The following PARP9 variants were observed in gnomAD, a reference collection of about 807,000 sequenced individuals.
PARP9 encodes the protein protein mono-ADP-ribosyltransferase PARP9.
Under a neutral mutation model 68.8 loss-of-function variants are expected in PARP9, and 48 were observed. The ratio of observed to expected loss-of-function variants is 0.70; its 90% CI spans 0.55 to 0.89. The LOEUF (loss-of-function observed/expected upper bound fraction) is 0.89. Among genes scored for constraint, PARP9 ranks in the 40% least tolerant of loss-of-function variants. The pLI, the probability that PARP9 is intolerant of heterozygous loss-of-function variation, is 0.00. For synonymous variants in PARP9, 309 were observed against 333.8 expected, an observed-to-expected ratio of 0.93 and a Z score of 0.81; for missense variants, 806 against 969.3, an observed-to-expected ratio of 0.83 and a Z score of 2.24.
chr3:122,528,623 C>T lies in PARP9; in HGVS notation c.2201G>A (p.Gly734Asp). The change falls in exon 11 of 11, where the codon GGC becomes GAC. Residue 734 changes from glycine to aspartate, a missense_variant. By Grantham distance (94) the Gly-to-Asp change is moderately conservative (BLOSUM62 -1). Transcript: ENST00000682323. ...TAACGGATGTCCCTGGCAGAAGAAGCCTGTGAGTACTTCAGCCTCAAACAC... is the reference window on the plus strand; with the variant it reads ...TAACGGATGTCCCTGGCAGAAGAAGTCTGTGAGTACTTCAGCCTCAAACAC... The part of the protein sequence containing the change: ...IYVFEAEVLT[G>D]FFCQGHPLNI... 1 of 1,614,138 alleles carries T rather than the reference C, an allele frequency of 6.2e-7. No individual in the cohort carries two copies. Among genetic ancestry groups the T allele is most frequent in the South Asian group, 1.1e-5 (1 of 91,066 alleles).
chr3:122,546,634 G>C (rs1362953414), intron 6 of PARP9, among the ~76,000 whole-genome samples: 2 of 152,136 alleles, frequency 1.3e-5, no homozygotes, highest in Non-Finnish European at 2.9e-5. Context: ...ATATAATGTA[G>C]TGTTAATGCT....
intron 5 of PARP9, among the ~76,000 whole-genome samples, chr3:122,551,508 T>G (rs2079198710): frequency 6.6e-6 from 1 of 152,212 alleles, no homozygotes; most frequent in Non-Finnish European, 1.5e-5. Flanking sequence ...TATTTTATAT[T>G]TTATTTTTTG....
intron 10 of PARP9, chr3:122,532,108 CCTGAGTG>C: frequency 1.0e-6 from 1 of 978,132 alleles, no homozygotes; most frequent in South Asian, 4.7e-5. Context: ...AGCTTCATCA[CCTGAGTG>C]GAGAGTGGCA....
rs374100803 is a variant in PARP9 at position 122,540,625 on chromosome 3, T to G, written c.1612A>C (p.Ile538Leu). Residue 538 changes from isoleucine to leucine, a missense_variant, in exon 8 of 11, where the codon ATC becomes CTC. Ile to Leu is a conservative substitution (Grantham distance 5). This residue lies in a region of PARP9 where 680 missense variants were observed against 858.8 expected (regional missense o/e 0.79). Coordinates refer to ENST00000682323, the MANE Select transcript of PARP9 (RefSeq NM_001146105.2). ...SQLQKTSSVS[I>L]TEIISPGRTE... The stretch of plus-strand genomic sequence containing the variant: ...CTTCCTGGGCTGATAATTTCTGTGA[T>G]GGAGACACTTGAAGTTTTCTGAAGC... 4.3e-6 allele frequency: 7 copies of G among 1,614,086 alleles called. No individual in the cohort carries two copies. In the Middle Eastern group the frequency reaches 4.9e-4, roughly 114 times the overall value.
intron 10 of PARP9, chr3:122,534,892 A>C: frequency 1.0e-6 from 1 of 954,254 alleles, no homozygotes; most frequent in Non-Finnish European, 1.2e-6. Context: ...ATAAATAAAT[A>C]AATAAAGAGA....
chr3:122,556,140 T>TGAAAAAAAAAAAAAAAA lies in PARP9; in HGVS notation c.50-20_50-19insTTTTTTTTTTTTTTTTC, dbSNP rs2079621202. 1.1e-5 allele frequency: 1 copy of TGAAAAAAAAAAAAAAAA among 92,766 alleles called. No individual in the cohort carries two copies. Among genetic ancestry groups the TGAAAAAAAAAAAAAAAA allele is most frequent in the Non-Finnish European group, 1.7e-5 (1 of 57,576 alleles). The allele number at this position is 92,766 out of a possible 1,614,324, so 5.7% of individuals were successfully genotyped here. A position where few individuals can be genotyped will look rare whatever the true frequency, so the allele number is the denominator to read the frequency against. The stretch of plus-strand genomic sequence containing the variant: ...CCAGTCTCTGGAAAAGAAGAGAAGA[T>TGAAAAAAAAAAAAAAAA]TAAAAAAAAAAAAAAAAAAAAAAAA... On this transcript the variant is annotated intron_variant, in intron 3 of 10. Coordinates refer to ENST00000682323, the MANE Select transcript of PARP9 (RefSeq NM_001146105.2).
chr3:122,553,772 A>T (rs12489643), intron 4 of PARP9, among the ~76,000 whole-genome samples: 78,264 of 151,888 alleles, frequency 0.52, 20,795 homozygotes, highest in East Asian at 0.67. Context: ...AAAAAGAATA[A>T]AGCCTTATAT....
At chr3:122,547,736 C>T (rs1321438347) in intron 6 of PARP9, among the ~76,000 whole-genome samples, 1 of 151,986 alleles carries the variant, frequency 6.6e-6, no homozygotes, top group Non-Finnish European at 1.5e-5. Flanking sequence ...GCCTGTAGGT[C>T]TAACTACTCA....
In PARP9 at chr3:122,528,235, C is replaced by CAATA; in HGVS notation, c.*125_*128dup. ...GATGCTAGTATGTGGCTAGTCCTTT[C>CAATA]AATAACCCAGTCAGTCCATACAGAT... is the stretch of plus-strand genomic sequence containing the variant. On this transcript the variant is annotated 3_prime_UTR_variant, in exon 11 of 11. Coordinates refer to ENST00000682323, the MANE Select transcript of PARP9 (RefSeq NM_001146105.2). 8.0e-7 allele frequency: 1 copy of CAATA among 1,253,624 alleles called. No individual in the cohort carries two copies. Among genetic ancestry groups the CAATA allele is most frequent in the African/African-American group, 1.5e-5 (1 of 66,484 alleles). 77.7% of individuals were successfully genotyped at this position (1,253,624 alleles called of 1,614,324 possible).
chr3:122,557,035 T>C (rs1351233505), intron 3 of PARP9, among the ~76,000 whole-genome samples: 1 of 152,172 alleles, frequency 6.6e-6, no homozygotes, highest in Non-Finnish European at 1.5e-5. Context: ...GGTTTCACCA[T>C]ATTGCCTAGG....
intron 6 of PARP9, 96 bp from the exon 7 acceptor site, chr3:122,545,585 C>T: frequency 8.6e-7 from 1 of 1,166,988 alleles, no homozygotes; most frequent in Non-Finnish European, 1.3e-6. Context: ...TTGACTTCAT[C>T]CACTCTGTCA....
intron 10 of PARP9, chr3:122,533,651 T>G: frequency 1.0e-6 from 1 of 973,854 alleles, no homozygotes; most frequent in Non-Finnish European, 1.2e-6. Flanking sequence ...AGGGCCTGAT[T>G]CATAGAATGT....
At chr3:122,564,164 C>G in intron 1 of PARP9, 81 bp downstream of exon 1, 1 of 480,358 alleles carries the variant, frequency 2.1e-6, no homozygotes, top group African/African-American at 2.0e-5. Flanking sequence ...CCCGGGTCCG[C>G]GCCCGTCCCC....
intron 6 of PARP9, 147 bp from the exon 7 acceptor site, chr3:122,545,636 A>G (rs1015975886): frequency 1.7e-5 from 12 of 714,656 alleles, no homozygotes; most frequent in African/African-American, 1.6e-4. Context: ...AGCCTTTAGG[A>G]AAGTCCCAGA....
intron 8 of PARP9, among the ~76,000 whole-genome samples, chr3:122,539,507 ATTTCTTTC>A (rs144389968): frequency 0.034 from 4,526 of 133,092 alleles, 157 homozygotes; most frequent in African/African-American, 0.079. Context: ...CCAAGATGGC[ATTTCTTTC>A]TTTCTTTCTT....
intron 7 of PARP9, 63 bp from the exon 8 acceptor site, chr3:122,540,915 G>A: frequency 6.7e-7 from 1 of 1,491,012 alleles, no homozygotes; most frequent in African/African-American, 1.4e-5. Flanking sequence ...TTTTGAGATG[G>A]AGTCTCGCTC....
At position 122,556,048 on chromosome 3, in the gene PARP9, A is replaced by AT. The variant is rs2079609189; in HGVS notation, c.122dup (p.Asn41LysfsTer2). On this transcript the variant is annotated frameshift_variant, in exon 4 of 11. Coordinates refer to ENST00000682323, the MANE Select transcript of PARP9 (RefSeq NM_001146105.2). LOFTEE classifies it high-confidence loss of function. ...GGACTTCACACAGCTGACGCTCATT[A>AT]TTTTTTAAAATTTTGAAGTCATTGT... The AT allele has an allele frequency of 1.9e-6, 3 of 1,582,770 alleles. No homozygotes were observed. The highest frequency in any genetic ancestry group is 4.7e-5 in the East Asian group (2 of 42,672).
rs760906815 is a variant in PARP9 at position 122,528,387 on chromosome 3, C to G, written c.2437G>C (p.Ala813Pro). Reference protein sequence around the residue: ...PFAQHPWRGFASGSPVD With the variant: ...PFAQHPWRGFPSGSPVD ...GATTAATCAACAGGGCTGCCACTTGCGAATCCCCTCCAAGGATGCTGTGCA... is the reference window on the plus strand; with the variant it reads ...GATTAATCAACAGGGCTGCCACTTGGGAATCCCCTCCAAGGATGCTGTGCA... Residue 813 changes from alanine (A) to proline (P), a missense_variant, in exon 11 of 11, where the codon GCA becomes CCA. By Grantham distance (27) the Ala-to-Pro change is conservative. This residue lies in a region of PARP9 where 680 missense variants were observed against 858.8 expected (regional missense o/e 0.79). Transcript: ENST00000682323. 2 of 1,613,240 alleles carry G rather than the reference C, an allele frequency of 1.2e-6. No individual in the cohort carries two copies. The highest frequency in any genetic ancestry group is 2.7e-5 in the African/African-American group (2 of 74,926).
Position 122,555,416 on chromosome 3 carries a change from G to A in PARP9, c.755C>T (p.Ala252Val). Residue 252 changes from alanine to valine, a missense_variant, in exon 4 of 11, where the codon GCC (alanine) becomes GTC (valine). Around this residue, in one of 2 missense-constraint regions of PARP9, gnomAD observed 680 missense variants for 858.8 expected, o/e 0.79. Coordinates refer to ENST00000682323, the MANE Select transcript of PARP9 (RefSeq NM_001146105.2). ...LVSNEDPTVA[A>V]FKAASEFILG... ...GATGAATTCTGAAGCAGCTTTAAAG[G>A]CAGCAACAGTAGGGTCCTCATTGCT... 6.2e-7 allele frequency: 1 copy of A among 1,614,074 alleles called. No homozygotes were observed. The highest frequency in any genetic ancestry group is 8.5e-7 in the Non-Finnish European group (1 of 1,180,014).
Sources: gnomAD v4.1 joint callset for allele counts (sites outside exome capture counted in the v4.1 genomes callset) on GRCh38, gnomAD v4.1.1 for gene constraint, gnomAD v4.1.1 regional missense constraint, MANE v1.5 for transcripts, NCBI Gene and HGNC (gene_info 2026-07-23, HGNC 2026-07-21) for gene names.